Variants in CHD6 observed in about 807,000 individuals in gnomAD.
CHD6 encodes the protein ATP-dependent chromatin remodeler CHD6.
In CHD6, 50 loss-of-function variants were observed where a neutral mutation model predicts 276.9. That is an observed-to-expected ratio of 0.18 (90% CI 0.14 to 0.23). The LOEUF (loss-of-function observed/expected upper bound fraction) is 0.23. CHD6 is among the 10% of genes least tolerant of loss of function. The probability of loss-of-function intolerance (pLI) is 1.00; values close to 1 mark genes in which losing one functional copy is unlikely to be tolerated. For synonymous variants in CHD6, 1,173 were observed against 1,229.3 expected (o/e 0.95, Z 0.96); for missense variants, 2,564 against 3,365.8 (o/e 0.76, Z 5.89).
intron 31 of CHD6, among the ~76,000 whole-genome samples, chr20:41,419,319 T>C (rs900409482): frequency 6.6e-6 from 1 of 151,624 alleles, no homozygotes; most frequent in Non-Finnish European, 1.5e-5. Flanking sequence ...GTGGCTCACG[T>C]CTGTAATCCC....
chr20:41,591,379 T>TATACAC (rs1416193560), intron 1 of CHD6, among the ~76,000 whole-genome samples: 17 of 144,188 alleles, frequency 1.2e-4, no homozygotes, highest in African/African-American at 3.3e-4. Flanking sequence ...TATATATATA[T>TATACAC]ACACACACAC....
intron 3 of CHD6, among the ~76,000 whole-genome samples, chr20:41,528,594 G>T (rs964185803): frequency 2.6e-5 from 4 of 152,066 alleles, no homozygotes; most frequent in Non-Finnish European, 5.9e-5. Flanking sequence ...ATAATTTAGA[G>T]AATTAAGCCA....
intron 3 of CHD6, among the ~76,000 whole-genome samples, chr20:41,531,598 G>A (rs558562108): frequency 3.9e-5 from 6 of 152,254 alleles, no homozygotes; most frequent in Admixed American, 2.0e-4. Flanking sequence ...TCTCTTGGCC[G>A]TCTGTAAGGT....
At chr20:41,485,019 G>A (rs533308448) in intron 14 of CHD6, among the ~76,000 whole-genome samples, 2 of 152,304 alleles carry the variant, frequency 1.3e-5, no homozygotes, top group East Asian at 3.9e-4. Flanking sequence ...GACGCTGAGA[G>A]AATGGAGTAA....
At chr20:41,458,600 TCA>T (rs910991556) in intron 17 of CHD6, among the ~76,000 whole-genome samples, 5 of 152,112 alleles carry the variant, frequency 3.3e-5, no homozygotes, top group Non-Finnish European at 7.4e-5. Flanking sequence ...ATACACATAC[TCA>T]CACAGATATA....
intron 7 of CHD6, 50 bp from the exon 8 acceptor site, chr20:41,497,551 T>A: frequency 7.7e-7 from 1 of 1,296,394 alleles, no homozygotes; most frequent in Non-Finnish European, 1.1e-6. Flanking sequence ...TAGCAAATGA[T>A]CGAGCTTTAA....
chr20:41,544,068 T>C (rs6102456), intron 2 of CHD6, among the ~76,000 whole-genome samples: 60,469 of 151,726 alleles, frequency 0.4, 14,582 homozygotes, highest in African/African-American at 0.66. Flanking sequence ...AGTGAAACCC[T>C]GTCTCTACTA....
Position 41,447,914 on chromosome 20 carries a change from T to C in CHD6, c.3741A>G (p.Ala1247=). ...YYLKAEILGE[A]AEKAFEGSPA... Reference sequence around the variant, plus strand: ...GAGATCCTTCAAATGCTTTCTCAGCTGCTTCTCCCAGTATTTCAGCTTTTA... The same window carrying C: ...GAGATCCTTCAAATGCTTTCTCAGCCGCTTCTCCCAGTATTTCAGCTTTTA... Residue 1247 remains alanine, a synonymous_variant, in exon 24 of 37, where the codon GCA becomes GCG. Transcript: ENST00000373233. The C allele has an allele frequency of 1.2e-6, 2 of 1,612,418 alleles. No homozygotes were observed. The highest frequency in any genetic ancestry group is 2.2e-5 in the South Asian group (2 of 90,740).
At chr20:41,438,408 G>A (rs1350564764) in intron 26 of CHD6, among the ~76,000 whole-genome samples, 1 of 151,994 alleles carries the variant, frequency 6.6e-6, no homozygotes, top group Non-Finnish European at 1.5e-5. Flanking sequence ...TGGCCAACAT[G>A]GTGAAACCCC....
At position 41,426,162 on chromosome 20, in the gene CHD6, A is replaced by T; in HGVS notation, c.4069-9T>A. 2.5e-6 allele frequency: 4 copies of T among 1,608,030 alleles called. No homozygotes were observed. Among genetic ancestry groups the T allele is most frequent in the Non-Finnish European group, 3.4e-6 (4 of 1,174,392 alleles). On this transcript the variant is annotated splice_polypyrimidine_tract_variant and intron_variant, in intron 27 of 36. Coordinates refer to ENST00000373233, the MANE Select transcript of CHD6 (RefSeq NM_032221.5). ...CCATCACTGGAACTCTCCTAGGGATAAATAAAGCCATCCCATCAGCAAAAC... is the reference window on the plus strand; with the variant it reads ...CCATCACTGGAACTCTCCTAGGGATTAATAAAGCCATCCCATCAGCAAAAC...
intron 16 of CHD6, among the ~76,000 whole-genome samples, chr20:41,481,081 G>A (rs2043284346): frequency 6.6e-6 from 1 of 151,582 alleles, no homozygotes; most frequent in African/African-American, 2.4e-5. Flanking sequence ...CTTCATCTTA[G>A]GTGACAGAGC....
chr20:41,590,788 G>A lies in CHD6; in HGVS notation c.-24+27552C>T, dbSNP rs542323247. On this transcript the variant is annotated intron_variant, in intron 1 of 36. Coordinates refer to ENST00000373233, the MANE Select transcript of CHD6 (RefSeq NM_032221.5). Reference sequence around the variant, plus strand: ...GACTGTAAACTGGTTCAACCATTGCGGAAGACAGTGTGGCGATTCCTCAGG... The same window carrying A: ...GACTGTAAACTGGTTCAACCATTGCAGAAGACAGTGTGGCGATTCCTCAGG... 5.5e-4 allele frequency among the ~76,000 whole-genome samples: 84 copies of A among 151,886 alleles called. 1 individual carries two copies. The highest frequency in any genetic ancestry group is 1.7e-3 in the African/African-American group (70 of 41,312).
At chr20:41,453,765 A>C (rs764457101) in intron 20 of CHD6, among the ~76,000 whole-genome samples, 25 of 152,232 alleles carry the variant, frequency 1.6e-4, no homozygotes, top group African/African-American at 2.7e-4. Context: ...TGAAACACTT[A>C]GAACAGGTTA....
Sources: allele counts gnomAD v4.1 joint callset (sites outside exome capture counted in the v4.1 genomes callset), GRCh38; gene constraint gnomAD v4.1.1; transcripts MANE v1.5; gene names NCBI Gene and HGNC (gene_info 2026-07-23, HGNC 2026-07-21).